The following B3GALT1 variants were observed in gnomAD, a reference collection of about 807,000 sequenced individuals.
B3GALT1 encodes the protein beta-1,3-galactosyltransferase 1, also known as UDP-Gal:betaGlcNAc beta 1,3-galactosyltransferase, polypeptide 1.
In B3GALT1, 10 loss-of-function variants were observed where a neutral mutation model predicts 23.2. That is an observed-to-expected ratio of 0.43 (90% CI 0.27 to 0.73). The LOEUF (loss-of-function observed/expected upper bound fraction) is 0.73, where lower values mean the gene tolerates loss of function less well. Among genes scored for constraint, B3GALT1 ranks in the 30% least tolerant of loss-of-function variants. The pLI is 0.21. For synonymous variants in B3GALT1, 156 were observed against 141.5 expected (o/e 1.10, Z -0.73); for missense variants, 299 against 405.4 (o/e 0.74, Z 2.25).
rs1689598874 is a variant in B3GALT1 at position 167,839,927 on chromosome 2, G to A, written c.-230+21134G>A. On this transcript the variant is annotated intron_variant, in intron 4 of 4. Coordinates refer to ENST00000392690, the MANE Select transcript of B3GALT1 (RefSeq NM_020981.4). ...AAACCTGAGAAAAACAAGCAATGGGGAAAGGATTCCCTATTTAATAAATGG... is the reference window on the plus strand; with the variant it reads ...AAACCTGAGAAAAACAAGCAATGGGAAAAGGATTCCCTATTTAATAAATGG... Among the ~76,000 whole-genome samples, 5 of 152,160 alleles carry A rather than the reference G, an allele frequency of 3.3e-5. No homozygotes were observed. The East Asian group carries it at 9.6e-4, about 29-fold the overall frequency.
chr2:167,771,055 A>G (rs1298134697), intron 3 of B3GALT1, among the ~76,000 whole-genome samples: 2 of 152,176 alleles, frequency 1.3e-5, no homozygotes, highest in Admixed American at 6.5e-5. Context: ...TGTATATTCA[A>G]ATTACAGCTC....
chr2:167,637,912 C>T (rs1574183123), intron 2 of B3GALT1, among the ~76,000 whole-genome samples: 2 of 151,722 alleles, frequency 1.3e-5, no homozygotes, highest in African/African-American at 4.8e-5. Context: ...GAAGTCTCTG[C>T]CCATAGTTGC....
chr2:167,524,274 A>G (rs1683186839), intron 2 of B3GALT1, among the ~76,000 whole-genome samples: 1 of 152,134 alleles, frequency 6.6e-6, no homozygotes, highest in African/African-American at 2.4e-5. Context: ...GGCCTTATCT[A>G]TGCACCCCTA....
At chr2:167,589,379 A>G (rs868667257) in intron 2 of B3GALT1, among the ~76,000 whole-genome samples, 43 of 152,116 alleles carry the variant, frequency 2.8e-4, no homozygotes, top group African/African-American at 9.4e-4. Flanking sequence ...TCTGCCTTCA[A>G]TATTATTTTT....
At chr2:167,510,534 T>C (rs1699990292) in intron 2 of B3GALT1, among the ~76,000 whole-genome samples, 1 of 152,058 alleles carries the variant, frequency 6.6e-6, no homozygotes, top group Non-Finnish European at 1.5e-5. Context: ...AGGATTGTGA[T>C]TGGCATGTTT....
intron 2 of B3GALT1, among the ~76,000 whole-genome samples, chr2:167,496,189 A>G (rs1302021224): frequency 1.3e-5 from 2 of 152,168 alleles, no homozygotes; most frequent in Non-Finnish European, 2.9e-5. Context: ...GAGGTCAACT[A>G]TTTCTTAAAT....
intron 2 of B3GALT1, among the ~76,000 whole-genome samples, chr2:167,556,057 T>A (rs1043366765): frequency 2.0e-5 from 3 of 152,126 alleles, no homozygotes; most frequent in Admixed American, 6.5e-5. Context: ...AAGGAACAAA[T>A]GCCAAATATT....
In B3GALT1 at chr2:167,716,050, C is replaced by A; in HGVS notation, c.-352+69084C>A. ...AGCCCCAAGTAGGGCCGAGCGGTAG[C>A]GCCGGGCTCCTCCATAGCGCCAAGC... On this transcript the variant is annotated intron_variant, in intron 3 of 4. Transcript: ENST00000392690. 5 of 1,596,346 alleles carry A rather than the reference C, an allele frequency of 3.1e-6. No individual in the cohort carries two copies. The South Asian group carries it at 5.5e-5, about 18-fold the overall frequency.
intron 3 of B3GALT1, among the ~76,000 whole-genome samples, chr2:167,774,856 A>T (rs1261931521): frequency 1.3e-5 from 2 of 152,216 alleles, no homozygotes; most frequent in Non-Finnish European, 2.9e-5. Flanking sequence ...TAATTACATT[A>T]ATAAACTTAT....
intron 2 of B3GALT1, among the ~76,000 whole-genome samples, chr2:167,565,757 C>T (rs1035412898): frequency 2.6e-5 from 4 of 152,252 alleles, no homozygotes; most frequent in East Asian, 1.9e-4. Flanking sequence ...AAAATGCTCA[C>T]CATCACTGGC....
intron 3 of B3GALT1, chr2:167,815,260 T>C (rs1339791547): frequency 6.6e-6 from 1 of 152,202 alleles, no homozygotes; most frequent in Admixed American, 6.5e-5. Flanking sequence ...GAAAGTTAAG[T>C]TCATGATCAT....
intron 3 of B3GALT1, among the ~76,000 whole-genome samples, chr2:167,725,765 C>T (rs1687302338): frequency 6.6e-6 from 1 of 152,078 alleles, no homozygotes; most frequent in Admixed American, 6.6e-5. Flanking sequence ...ACCCCATGAA[C>T]CCCAAACTCC....
intron 1 of B3GALT1, among the ~76,000 whole-genome samples, chr2:167,455,673 C>A (rs1172865137): frequency 1.3e-5 from 2 of 152,064 alleles, no homozygotes; most frequent in East Asian, 3.9e-4. Context: ...CCACCACACC[C>A]AGCTAATTTT....
chr2:167,336,299 G>A (rs1472362160), intron 1 of B3GALT1, among the ~76,000 whole-genome samples: 2 of 152,142 alleles, frequency 1.3e-5, no homozygotes, highest in Non-Finnish European at 2.9e-5. Flanking sequence ...GGACATTGGT[G>A]TGGGCATTGG....
At chr2:167,434,441 C>G (rs921228609) in intron 1 of B3GALT1, among the ~76,000 whole-genome samples, 1 of 151,322 alleles carries the variant, frequency 6.6e-6, no homozygotes, top group Non-Finnish European at 1.5e-5. Flanking sequence ...CTCCCACCCC[C>G]CAATCTTGTA....
At chr2:167,793,582 G>T (rs2105331456) in intron 3 of B3GALT1, among the ~76,000 whole-genome samples, 1 of 152,014 alleles carries the variant, frequency 6.6e-6, no homozygotes, top group Non-Finnish European at 1.5e-5. Flanking sequence ...TGTAGGCAAG[G>T]TGCATGGAGG....
intron 3 of B3GALT1, among the ~76,000 whole-genome samples, chr2:167,726,300 A>G (rs1328421987): frequency 6.6e-6 from 1 of 152,170 alleles, no homozygotes; most frequent in African/African-American, 2.4e-5. Flanking sequence ...CTGCAGGTTA[A>G]TATTTCCAGT....
chr2:167,500,086 T>G (rs1258798145), intron 2 of B3GALT1, among the ~76,000 whole-genome samples: 1 of 152,068 alleles, frequency 6.6e-6, no homozygotes, highest in Non-Finnish European at 1.5e-5. Flanking sequence ...GGTTCTGAAT[T>G]TTTCTGAGAA....
chr2:167,736,074 A>G (rs1361766603), intron 3 of B3GALT1, among the ~76,000 whole-genome samples: 4 of 152,170 alleles, frequency 2.6e-5, no homozygotes, highest in Admixed American at 6.5e-5. Context: ...AGGTACAATA[A>G]TTTGTTCAAG....
Sources: allele counts gnomAD v4.1 joint callset (sites outside exome capture counted in the v4.1 genomes callset), GRCh38; gene constraint gnomAD v4.1.1; transcripts MANE v1.5; gene names NCBI Gene and HGNC (gene_info 2026-07-23, HGNC 2026-07-21).